JMJD1C: variants seen among roughly 807,000 people sequenced by gnomAD.
JMJD1C encodes the protein jumonji domain containing 1C.
JMJD1C carries 31 observed loss-of-function variants against 245.3 expected under a neutral mutation model. That is an observed-to-expected ratio of 0.13 (90% CI 0.09 to 0.17). The LOEUF is 0.17. Among genes scored for constraint, JMJD1C ranks in the 10% least tolerant of loss-of-function variants. JMJD1C has a pLI of 1.00. For synonymous variants in JMJD1C, 1,057 were observed against 1,017.4 expected (o/e 1.04, Z -0.74); for missense variants, 2,691 against 3,000.2 (o/e 0.90, Z 2.41).
At chr10:63,273,385 G>A (rs2133842645) in intron 2 of JMJD1C, among the ~76,000 whole-genome samples, 1 of 152,198 alleles carries the variant, frequency 6.6e-6, no homozygotes, top group South Asian at 2.1e-4. Context: ...TGACTGGTCT[G>A]GTATTAATTG....
chr10:63,490,925 G>A (rs1172123822), intron 1 of JMJD1C, among the ~76,000 whole-genome samples: 1 of 152,136 alleles, frequency 6.6e-6, no homozygotes, highest in Non-Finnish European at 1.5e-5. Flanking sequence ...AACATTTACT[G>A]AGCACCTACC....
chr10:63,228,241 G>A (rs1849542982), intron 3 of JMJD1C, among the ~76,000 whole-genome samples: 1 of 152,120 alleles, frequency 6.6e-6, no homozygotes, highest in African/African-American at 2.4e-5. Flanking sequence ...ATAAATGAAT[G>A]AGCATGGCTA....
intron 1 of JMJD1C, among the ~76,000 whole-genome samples, chr10:63,404,576 TGAA>T (rs1243096993): frequency 1.3e-5 from 2 of 151,872 alleles, no homozygotes; most frequent in Non-Finnish European, 1.5e-5. Context: ...GATTTTAACA[TGAA>T]GAAGTAAAAA....
At chr10:63,487,647 T>TA (rs1326950207) in intron 1 of JMJD1C, among the ~76,000 whole-genome samples, 1 of 152,164 alleles carries the variant, frequency 6.6e-6, no homozygotes. Flanking sequence ...GTTAAGGTGA[T>TA]AGACCACGAA....
intron 11 of JMJD1C, among the ~76,000 whole-genome samples, chr10:63,200,038 C>A (rs1845852132): frequency 6.6e-6 from 1 of 152,138 alleles, no homozygotes; most frequent in African/African-American, 2.4e-5. Flanking sequence ...ATGGAATTCA[C>A]AACTAGAAAT....
At chr10:63,275,295 T>C (rs1856677772) in intron 2 of JMJD1C, among the ~76,000 whole-genome samples, 2 of 152,210 alleles carry the variant, frequency 1.3e-5, no homozygotes, top group Admixed American at 6.5e-5. Flanking sequence ...CAAAGTGTTT[T>C]GCCATCTGCT....
At chr10:63,334,396 A>AT (rs1212284520) in intron 2 of JMJD1C, among the ~76,000 whole-genome samples, 6 of 152,172 alleles carry the variant, frequency 3.9e-5, no homozygotes, top group African/African-American at 2.4e-5. Flanking sequence ...CTATACTTCT[A>AT]TATGTCAGGA....
chr10:63,410,357 A>C (rs892306429), intron 1 of JMJD1C, among the ~76,000 whole-genome samples: 4 of 152,210 alleles, frequency 2.6e-5, no homozygotes, highest in African/African-American at 9.6e-5. Flanking sequence ...ATCTCTACTT[A>C]GTCTAACATG....
chr10:63,375,535 C>CGT (rs1206144769), intron 2 of JMJD1C, among the ~76,000 whole-genome samples: 63,035 of 147,048 alleles, frequency 0.43, 13,446 homozygotes, highest in Admixed American at 0.49. Flanking sequence ...AATATTTACA[C>CGT]GTGTGTGTGT....
At chr10:63,193,515 T>G (rs756848415) in intron 14 of JMJD1C, 43 bp from the exon 15 acceptor site, 1 of 1,415,344 alleles carries the variant, frequency 7.1e-7, no homozygotes, top group South Asian at 1.4e-5. Context: ...TACCACTAGT[T>G]GTTAATGCTG....
chr10:63,228,917 A>C (rs1289178083), intron 3 of JMJD1C, among the ~76,000 whole-genome samples: 2 of 152,160 alleles, frequency 1.3e-5, no homozygotes, highest in Admixed American at 1.3e-4. Context: ...AATGTACATA[A>C]TTTAGGAAAA....
chr10:63,362,539 G>T (rs1041062351), intron 2 of JMJD1C, among the ~76,000 whole-genome samples: 1 of 151,786 alleles, frequency 6.6e-6, no homozygotes, highest in African/African-American at 2.4e-5. Flanking sequence ...GGGTGCAGTG[G>T]CACAATGACA....
chr10:63,202,567 G>C, intron 10 of JMJD1C: 1 of 985,352 alleles, frequency 1.0e-6, no homozygotes, highest in African/African-American at 1.7e-5. Flanking sequence ...CAATTATTAA[G>C]CACTTCTGAA....
Position 63,509,651 on chromosome 10 carries a change from A to G in JMJD1C, n.113+12087T>C, listed in dbSNP as rs117461255. On this transcript the variant is annotated intron_variant and non_coding_transcript_variant, in intron 1 of 3. Transcript: ENST00000633035. ...GACTTTTGGCAGATTGTACCTTTCA[A>G]ATAACTGGTCCATTTCATCTAGGTT... 1.5e-4 allele frequency among the ~76,000 whole-genome samples: 23 copies of G among 152,316 alleles called. No homozygotes were observed. The East Asian group carries it at 4.0e-3, about 27-fold the overall frequency.
intron 22 of JMJD1C, among the ~76,000 whole-genome samples, chr10:63,180,109 G>A (rs1366007273): frequency 1.3e-5 from 2 of 152,160 alleles, no homozygotes; most frequent in African/African-American, 4.8e-5. Context: ...CCAGGTTCAA[G>A]CGATTCTCCT....
intron 2 of JMJD1C, among the ~76,000 whole-genome samples, chr10:63,320,453 T>C (rs1031092637): frequency 2.6e-5 from 4 of 152,182 alleles, no homozygotes; most frequent in Non-Finnish European, 4.4e-5. Context: ...GCAATGTATA[T>C]AGACGATGTC....
chr10:63,379,314 G>A (rs1187488899), intron 2 of JMJD1C, among the ~76,000 whole-genome samples: 1 of 152,064 alleles, frequency 6.6e-6, no homozygotes, highest in Non-Finnish European at 1.5e-5. Context: ...AACATAAGAA[G>A]AAAACTTTAC....
chr10:63,183,466 A>G lies in JMJD1C; in HGVS notation c.7065T>C (p.Asn2355=). ...ILVYVGIAKG[N]GILSKAGILK... ...GTTTACCTGCTTTTGAGAGAATGCC[A>G]TTTCCTTTTGCTATGCCAACATAAA... The change falls in exon 22 of 26, where the codon AAT becomes AAC. Residue 2355 remains asparagine, a synonymous_variant. Coordinates refer to ENST00000399262, the MANE Select transcript of JMJD1C (RefSeq NM_032776.3). The G allele has an allele frequency of 6.2e-7, 1 of 1,604,312 alleles. No individual in the cohort carries two copies. Among genetic ancestry groups the G allele is most frequent in the Non-Finnish European group, 8.5e-7 (1 of 1,176,864 alleles).
At chr10:63,216,905 A>C (rs757110075) in intron 5 of JMJD1C, among the ~76,000 whole-genome samples, 54 of 152,104 alleles carry the variant, frequency 3.6e-4, no homozygotes, top group Non-Finnish European at 7.1e-4. Context: ...AAAAACTGAA[A>C]CTCTGAGAAA....
Sources: gnomAD v4.1 joint callset for allele counts (sites outside exome capture counted in the v4.1 genomes callset) on GRCh38, gnomAD v4.1.1 for gene constraint, MANE v1.5 for transcripts, NCBI Gene and HGNC (gene_info 2026-07-23, HGNC 2026-07-21) for gene names.